Variants in SRGAP2B observed in about 807,000 individuals in gnomAD.
SRGAP2B encodes the protein SLIT-ROBO Rho GTPase-activating protein 2B.
Under a neutral mutation model 22.2 loss-of-function variants are expected in SRGAP2B, and 9 were observed. That is an observed-to-expected ratio of 0.41 (90% CI 0.24 to 0.71). SRGAP2B has a LOEUF of 0.71. SRGAP2B is among the 30% of genes least tolerant of loss of function. SRGAP2B has a pLI of 0.35. For missense variants in SRGAP2B, 114 were observed against 235.8 expected (o/e 0.48, Z 3.38); for synonymous variants, 36 against 87.4 (o/e 0.41, Z 3.28).
At chr1:144,911,865 C>T (rs1317757774) in intron 5 of SRGAP2B, among the ~76,000 whole-genome samples, 19 of 137,562 alleles carry the variant, frequency 1.4e-4, no homozygotes, top group South Asian at 2.3e-4. Context: ...ATGATCCGCC[C>T]ACCTCAGCCT....
At chr1:145,045,164 GT>G (rs1649646339) in intron 2 of SRGAP2B, among the ~76,000 whole-genome samples, 2 of 128,950 alleles carry the variant, frequency 1.6e-5, no homozygotes, top group Non-Finnish European at 3.2e-5. Context: ...GGCGCCTGTA[GT>G]CCCAGCTACT....
At chr1:144,963,051 T>A (rs1252815756) in intron 3 of SRGAP2B, among the ~76,000 whole-genome samples, 2 of 151,106 alleles carry the variant, frequency 1.3e-5, no homozygotes, top group African/African-American at 4.9e-5. Context: ...AAACCCTGAT[T>A]TGGCTGACTT....
chr1:145,070,089 G>C (rs608688), intron 2 of SRGAP2B, among the ~76,000 whole-genome samples: 1 of 149,604 alleles, frequency 6.7e-6, no homozygotes, highest in Non-Finnish European at 1.5e-5. Flanking sequence ...GAACCAGCAT[G>C]CATATGTCAT....
chr1:145,080,297 G>C (rs1333343217), intron 2 of SRGAP2B, among the ~76,000 whole-genome samples: 1 of 147,992 alleles, frequency 6.8e-6, no homozygotes, highest in Non-Finnish European at 1.5e-5. Context: ...CTCTCCCCTC[G>C]ATTTTTCTCC....
chr1:145,090,283 C>A (rs1453813044), intron 2 of SRGAP2B, among the ~76,000 whole-genome samples: 1 of 148,198 alleles, frequency 6.7e-6, no homozygotes, highest in Admixed American at 6.7e-5. Context: ...ATAAGCTCCA[C>A]GAGGGTAGAG....
Position 144,911,366 on chromosome 1 carries a change from G to A in SRGAP2B, c.486+3326C>T, listed in dbSNP as rs1307260518. Among the ~76,000 whole-genome samples the A allele has an allele frequency of 2.4e-4, 36 of 149,476 alleles. 1 individual carries two copies. Among genetic ancestry groups the A allele is most frequent in the Admixed American group, 4.0e-4 (6 of 15,032 alleles). On this transcript the variant is annotated intron_variant, in intron 5 of 9. Coordinates refer to ENST00000612199, the Ensembl canonical transcript of SRGAP2B. ...CTCAAAGGTGTGCATACAGCAAGCA[G>A]CTTCCCAAAGCTAGCATGTAACAGG...
chr1:144,969,699 G>A (rs1366056224), intron 3 of SRGAP2B, among the ~76,000 whole-genome samples: 2 of 150,554 alleles, frequency 1.3e-5, no homozygotes, highest in Admixed American at 1.3e-4. Flanking sequence ...CCATCAGAGT[G>A]AACAGGCAAA....
chr1:144,985,128 C>T (rs2993853), intron 3 of SRGAP2B, among the ~76,000 whole-genome samples: 1 of 126,770 alleles, frequency 7.9e-6, no homozygotes. Context: ...TACATATAGC[C>T]TTATGTTGAA....
At chr1:144,941,138 A>T (rs1370609104) in intron 4 of SRGAP2B, among the ~76,000 whole-genome samples, 2 of 144,512 alleles carry the variant, frequency 1.4e-5, no homozygotes, top group Non-Finnish European at 3.0e-5. Context: ...ACTTTTTAAA[A>T]TTTTTTCTTT....
intron 3 of SRGAP2B, among the ~76,000 whole-genome samples, chr1:144,986,808 C>G (rs1207443126): frequency 6.7e-6 from 1 of 149,580 alleles, no homozygotes; most frequent in Non-Finnish European, 1.5e-5. Context: ...ATTCATAGAC[C>G]TCTTTAATCT....
chr1:145,083,114 C>A (rs1439322980), intron 2 of SRGAP2B, among the ~76,000 whole-genome samples: 1 of 145,272 alleles, frequency 6.9e-6, no homozygotes, highest in Non-Finnish European at 1.5e-5. Flanking sequence ...TACTGATGAA[C>A]TCTGTACAGA....
intron 4 of SRGAP2B, among the ~76,000 whole-genome samples, chr1:144,931,550 A>T (rs1391245150): frequency 6.6e-6 from 1 of 150,886 alleles, no homozygotes; most frequent in Non-Finnish European, 1.5e-5. Context: ...ATCTGTTAAA[A>T]AGAGAATCAT....
At position 144,902,803 on chromosome 1, in the gene SRGAP2B, C is replaced by T. The variant is rs1287214084; in HGVS notation, c.831+2288G>A. On this transcript the variant is annotated intron_variant, in intron 7 of 9. Transcript: ENST00000612199. Reference sequence around the variant, plus strand: ...AGAAACATGAGAAACTTTATTACTACCTATGTAGCCTTTTGATCCCAGTGA... The same window carrying T: ...AGAAACATGAGAAACTTTATTACTATCTATGTAGCCTTTTGATCCCAGTGA... 2.4e-5 allele frequency among the ~76,000 whole-genome samples: 3 copies of T among 123,042 alleles called. No individual in the cohort carries two copies. In the East Asian group the frequency reaches 7.2e-4, roughly 30 times the overall value. 80.7% of individuals were successfully genotyped at this position (123,042 alleles called of 152,430 possible). A position where few individuals can be genotyped will look rare whatever the true frequency, so the allele number is the denominator to read the frequency against.
chr1:144,907,179 C>T (rs1663056744), intron 5 of SRGAP2B, among the ~76,000 whole-genome samples: 1 of 150,660 alleles, frequency 6.6e-6, no homozygotes, highest in South Asian at 2.1e-4. Context: ...GTGTGTGTAA[C>T]ACAGGAGTGC....
In SRGAP2B at chr1:145,023,192, A is replaced by G. The variant is rs1340112678; in HGVS notation, c.68-27992T>C. 5.7e-5 allele frequency among the ~76,000 whole-genome samples: 8 copies of G among 140,354 alleles called. No individual in the cohort carries two copies. The East Asian group carries it at 1.6e-3, about 28-fold the overall frequency. The allele number at this position is 140,354 out of a possible 152,430, so 92.1% of individuals were successfully genotyped here. A position where few individuals can be genotyped will look rare whatever the true frequency, so the allele number is the denominator to read the frequency against. On this transcript the variant is annotated intron_variant, in intron 2 of 9. Transcript: ENST00000612199. The stretch of plus-strand genomic sequence containing the variant: ...AAAAAAAAAAAAAAATTTAAATTTA[A>G]AAAATTAAAAAGAAGGCAATGAGAA...
intron 4 of SRGAP2B, among the ~76,000 whole-genome samples, chr1:144,939,757 A>G (rs1464643551): frequency 2.0e-5 from 3 of 147,806 alleles, no homozygotes; most frequent in African/African-American, 7.7e-5. Flanking sequence ...GAGAACTTAA[A>G]GGTCCAGAAA....
intron 6 of SRGAP2B, among the ~76,000 whole-genome samples, chr1:144,905,633 T>C (rs1662930890): frequency 6.7e-6 from 1 of 149,680 alleles, no homozygotes; most frequent in South Asian, 2.1e-4. Context: ...CTGCTGTTTC[T>C]TGGTTTTCTG....
chr1:145,035,932 A>T (rs2102330640), intron 2 of SRGAP2B, among the ~76,000 whole-genome samples: 1 of 145,520 alleles, frequency 6.9e-6, no homozygotes. Context: ...TCATGTTTTC[A>T]GAAGACAAAA....
intron 2 of SRGAP2B, among the ~76,000 whole-genome samples, chr1:145,025,941 T>C (rs1174179160): frequency 1.3e-5 from 2 of 148,506 alleles, no homozygotes; most frequent in Non-Finnish European, 3.0e-5. Context: ...ACAACACGCC[T>C]TGGGGAGGGC....
Sources: gnomAD v4.1 joint callset for allele counts (sites outside exome capture counted in the v4.1 genomes callset) on GRCh38, gnomAD v4.1.1 for gene constraint, MANE v1.5 for transcripts, NCBI Gene and HGNC (gene_info 2026-07-23, HGNC 2026-07-21) for gene names.